REDIC1: variants seen among roughly 807,000 people sequenced by gnomAD.
The protein encoded by REDIC1 is HEI10 Interacting Protein 1.
the REDIC1 span, among the ~76,000 whole-genome samples, chr12:39,866,481 G>A: frequency 6.6e-6 from 1 of 152,198 alleles, no homozygotes; most frequent in South Asian, 2.1e-4. Flanking sequence ...TAATGTATTT[G>A]AAAGATTTTT....
At chr12:39,667,030 T>C in the REDIC1 span, among the ~76,000 whole-genome samples, 1 of 96,602 alleles carries the variant, frequency 1.0e-5, no homozygotes, top group Admixed American at 1.2e-4. Flanking sequence ...CCTGGATTCA[T>C]TAATTTTTTG....
At chr12:39,699,357 C>T in the REDIC1 span, among the ~76,000 whole-genome samples, 7 of 152,292 alleles carry the variant, frequency 4.6e-5, no homozygotes, top group South Asian at 8.3e-4. Context: ...CCTGGAAGAT[C>T]GGGTCACTCC....
the REDIC1 span, chr12:39,692,043 T>G: frequency 5.4e-5 from 85 of 1,566,868 alleles, no homozygotes; most frequent in Non-Finnish European, 7.2e-5. Flanking sequence ...TTTGGTTTTC[T>G]CCTAGATTCT....
the REDIC1 span, among the ~76,000 whole-genome samples, chr12:39,868,065 G>T: frequency 6.6e-6 from 1 of 152,180 alleles, no homozygotes; most frequent in Admixed American, 6.5e-5. Context: ...GTTAGTTACA[G>T]ATGTTTTATC....
At chr12:39,820,717 TTATATATATATATATA>T in the REDIC1 span, among the ~76,000 whole-genome samples, 198 of 132,608 alleles carry the variant, frequency 1.5e-3, 1 homozygote, top group South Asian at 2.4e-3. Context: ...ATTTTTAAAT[TTATATATATATATATA>T]TATATATATA....
chr12:39,747,469 T>A, the REDIC1 span, among the ~76,000 whole-genome samples: 1 of 152,132 alleles, frequency 6.6e-6, no homozygotes, highest in Non-Finnish European at 1.5e-5. Flanking sequence ...CTGAAAGTGA[T>A]GGGGAGAATG....
At chr12:39,639,954 A>G in the REDIC1 span, among the ~76,000 whole-genome samples, 1 of 152,030 alleles carries the variant, frequency 6.6e-6, no homozygotes, top group East Asian at 1.9e-4. Context: ...GCTGTTATTA[A>G]TAGAACAAAT....
At chr12:39,855,661 C>T in the REDIC1 span, among the ~76,000 whole-genome samples, 2 of 152,188 alleles carry the variant, frequency 1.3e-5, no homozygotes, top group Non-Finnish European at 2.9e-5. Flanking sequence ...TAATTAACTA[C>T]AAATGTGCAT....
At chr12:39,685,356 G>A in the REDIC1 span, among the ~76,000 whole-genome samples, 1 of 152,140 alleles carries the variant, frequency 6.6e-6, no homozygotes, top group Non-Finnish European at 1.5e-5. Flanking sequence ...TTCTAATTAT[G>A]GCAGAAGGCA....
At chr12:39,896,125 TA>T in the REDIC1 span, among the ~76,000 whole-genome samples, 1 of 149,496 alleles carries the variant, frequency 6.7e-6, no homozygotes, top group East Asian at 2.0e-4. Context: ...TGCATACATA[TA>T]TGTATACACG....
At chr12:39,660,070 G>T in the REDIC1 span, among the ~76,000 whole-genome samples, 1,458 of 152,004 alleles carry the variant, frequency 9.6e-3, 22 homozygotes, top group African/African-American at 0.032. Context: ...CACTCTAGAG[G>T]GTGGAATCAA....
the REDIC1 span, among the ~76,000 whole-genome samples, chr12:39,812,624 G>T: frequency 6.7e-6 from 1 of 150,288 alleles, no homozygotes; most frequent in Non-Finnish European, 1.5e-5. Flanking sequence ...AGGCGCCCAC[G>T]GCTACGCCCG....
the REDIC1 span, chr12:39,764,604 G>A: frequency 3.8e-6 from 6 of 1,588,670 alleles, no homozygotes; most frequent in East Asian, 1.3e-4. Flanking sequence ...CAAGGCATTG[G>A]TCCCATTCCT....
chr12:39,772,653 G>C, the REDIC1 span, among the ~76,000 whole-genome samples: 6 of 152,274 alleles, frequency 3.9e-5, no homozygotes, highest in South Asian at 1.2e-3. Context: ...AGGTAGGCAG[G>C]CTCCTGTAAG....
chr12:39,660,287 C>T, the REDIC1 span, among the ~76,000 whole-genome samples: 2 of 152,254 alleles, frequency 1.3e-5, no homozygotes, highest in South Asian at 4.1e-4. Flanking sequence ...CCTCTGCAAT[C>T]TCCCTGGATC....
the REDIC1 span, among the ~76,000 whole-genome samples, chr12:39,784,859 C>T: frequency 1.3e-5 from 2 of 152,082 alleles, no homozygotes; most frequent in African/African-American, 2.4e-5. Flanking sequence ...GCATTTTGCC[C>T]CTGCCCTAGA....
chr12:39,858,129 T>C, the REDIC1 span, among the ~76,000 whole-genome samples: 1 of 152,198 alleles, frequency 6.6e-6, no homozygotes, highest in Non-Finnish European at 1.5e-5. Context: ...TATCCTTCCA[T>C]GACAGGTGGA....
At chr12:39,822,835 C>T in the REDIC1 span, among the ~76,000 whole-genome samples, 1 of 152,292 alleles carries the variant, frequency 6.6e-6, no homozygotes, top group African/African-American at 2.4e-5. Context: ...ATGAATATCG[C>T]TACTTGGATA....
At chr12:39,782,147 A>G in the REDIC1 span, among the ~76,000 whole-genome samples, 1 of 152,182 alleles carries the variant, frequency 6.6e-6, no homozygotes, top group Admixed American at 6.5e-5. Flanking sequence ...TTTTAACTTA[A>G]GGAAGTCTTG....
Sources: allele counts gnomAD v4.1 joint callset (sites outside exome capture counted in the v4.1 genomes callset), GRCh38; gene constraint gnomAD v4.1.1; transcripts MANE v1.5; gene names NCBI Gene and HGNC (gene_info 2026-07-23, HGNC 2026-07-21).